The following PREX2 variants were observed in gnomAD, a reference collection of about 807,000 sequenced individuals.
PREX2 encodes phosphatidylinositol 3,4,5-trisphosphate-dependent Rac exchanger 2 protein.
PREX2 carries 107 observed loss-of-function variants against 203.2 expected under a neutral mutation model. The ratio of observed to expected loss-of-function variants is 0.53; its 90% CI spans 0.45 to 0.62. PREX2 has a LOEUF of 0.62. Ranked by LOEUF, PREX2 falls within the 20% of genes least tolerant of loss-of-function variation. PREX2 has a pLI of 0.00. For missense variants in PREX2, 1,777 were observed against 1,955.9 expected, an observed-to-expected ratio of 0.91 and a Z score of 1.72; for synonymous variants, 672 against 663.6, an observed-to-expected ratio of 1.01 and a Z score of -0.19.
intron 35 of PREX2, among the ~76,000 whole-genome samples, chr8:68,162,661 A>G (rs1048704807): frequency 4.6e-5 from 7 of 152,276 alleles, no homozygotes; most frequent in Admixed American, 2.6e-4. Context: ...AACAGAGGAG[A>G]GAGCTGTGAA....
intron 1 of PREX2, among the ~76,000 whole-genome samples, chr8:67,966,019 A>C (rs1167507215): frequency 6.6e-6 from 1 of 152,178 alleles, no homozygotes; most frequent in South Asian, 2.1e-4. Context: ...TTGTGATTTA[A>C]GATTTTTAAA....
At chr8:68,028,353 G>A (rs540808897) in intron 5 of PREX2, among the ~76,000 whole-genome samples, 5 of 151,510 alleles carry the variant, frequency 3.3e-5, no homozygotes, top group Admixed American at 6.6e-5. Flanking sequence ...ATTTGATTCC[G>A]ACTTATTTTA....
chr8:68,104,098 A>G (rs947252935), intron 23 of PREX2, among the ~76,000 whole-genome samples: 28 of 152,012 alleles, frequency 1.8e-4, no homozygotes, highest in Admixed American at 1.8e-3. Context: ...CTCAGCCTAA[A>G]ACCTCGAATA....
chr8:67,982,534 T>C (rs986643885), intron 1 of PREX2, among the ~76,000 whole-genome samples: 6 of 152,204 alleles, frequency 3.9e-5, no homozygotes, highest in African/African-American at 1.4e-4. Context: ...TGATCACTAA[T>C]AAAAGATACA....
chr8:68,070,602 G>C (rs762455408), intron 13 of PREX2, among the ~76,000 whole-genome samples: 16 of 152,112 alleles, frequency 1.1e-4, no homozygotes, highest in Admixed American at 2.6e-4. Flanking sequence ...GAAATGGTCA[G>C]ATATTATTTG....
At chr8:68,134,920 C>G (rs535537221) in intron 32 of PREX2, among the ~76,000 whole-genome samples, 1 of 152,072 alleles carries the variant, frequency 6.6e-6, no homozygotes, top group African/African-American at 2.4e-5. Context: ...TCACGTATAC[C>G]TCCTGTGGTT....
rs1225693174 is a variant in PREX2, at chr8:68,119,451, T to A, written c.3441T>A (p.Ser1147Arg). The stretch of plus-strand genomic sequence containing the variant: ...ATCTAGGTGATGAACTTCCCTTAAG[T>A]GTTCGCATATCTCATGATAAACAGG... ...EMDSGDELPLSVRISHDKQDK... is the reference protein window; with the variant it reads ...EMDSGDELPLRVRISHDKQDK... The change falls in exon 28 of 40, where the codon AGT becomes AGA. Residue 1147 changes from serine (S) to arginine (R), a missense_variant. Ser to Arg is a moderately radical substitution (Grantham distance 110). Transcript: ENST00000288368. 3.1e-6 allele frequency: 5 copies of A among 1,613,538 alleles called. No homozygotes were observed. The Admixed American group carries it at 8.3e-5, about 27-fold the overall frequency.
At chr8:68,098,517 G>T (rs183997636) in intron 22 of PREX2, among the ~76,000 whole-genome samples, 1 of 151,786 alleles carries the variant, frequency 6.6e-6, no homozygotes, top group Non-Finnish European at 1.5e-5. Context: ...GTCTCTTCCC[G>T]TCTACATTAT....
chr8:68,006,636 T>G (rs1807106698), intron 1 of PREX2, among the ~76,000 whole-genome samples: 2 of 152,124 alleles, frequency 1.3e-5, no homozygotes, highest in African/African-American at 4.8e-5. Flanking sequence ...TTGGACCTAG[T>G]TCAGATTTCA....
intron 7 of PREX2, among the ~76,000 whole-genome samples, chr8:68,042,973 T>G (rs770648936): frequency 1.9e-4 from 29 of 152,270 alleles, no homozygotes; most frequent in Non-Finnish European, 3.4e-4. Flanking sequence ...TGACTAAAAC[T>G]GTTAAGGATA....
intron 28 of PREX2, 139 bp downstream of exon 28, chr8:68,119,653 A>G: frequency 6.2e-6 from 4 of 642,974 alleles, no homozygotes; most frequent in Non-Finnish European, 1.1e-5. Context: ...TCAATTTCTG[A>G]CATTTAAACT....
intron 37 of PREX2, among the ~76,000 whole-genome samples, chr8:68,193,787 A>G (rs1459542500): frequency 1.3e-5 from 2 of 152,144 alleles, no homozygotes; most frequent in Non-Finnish European, 2.9e-5. Flanking sequence ...TTCATGGATC[A>G]GGTTATAGAG....
At chr8:68,153,600 T>C (rs941178227) in intron 34 of PREX2, among the ~76,000 whole-genome samples, 4 of 152,190 alleles carry the variant, frequency 2.6e-5, no homozygotes, top group East Asian at 1.9e-4. Context: ...ATTTAACATG[T>C]TTGAAATTAA....
At chr8:67,975,546 A>C (rs1416929230) in intron 1 of PREX2, among the ~76,000 whole-genome samples, 1 of 151,940 alleles carries the variant, frequency 6.6e-6, no homozygotes, top group Non-Finnish European at 1.5e-5. Context: ...TTGAACAAAG[A>C]AGAAAACGAG....
intron 1 of PREX2, among the ~76,000 whole-genome samples, chr8:67,972,680 A>T (rs1259377753): frequency 8.6e-5 from 13 of 151,862 alleles, no homozygotes. Context: ...CCCTGATGAA[A>T]CTCTACAGTT....
At chr8:68,029,598 G>C (rs988852895) in intron 5 of PREX2, among the ~76,000 whole-genome samples, 25 of 152,230 alleles carry the variant, frequency 1.6e-4, no homozygotes, top group African/African-American at 5.8e-4. Context: ...TGTTTGTTGA[G>C]AATTTAGAAA....
At chr8:67,960,405 A>G (rs184260459) in intron 1 of PREX2, among the ~76,000 whole-genome samples, 9 of 152,042 alleles carry the variant, frequency 5.9e-5, no homozygotes, top group South Asian at 4.2e-4. Context: ...TGTCTTGTCT[A>G]TCCACAGACT....
chr8:68,013,016 AT>A (rs1389808861), intron 1 of PREX2, among the ~76,000 whole-genome samples: 3 of 152,236 alleles, frequency 2.0e-5, no homozygotes, highest in Non-Finnish European at 4.4e-5. Context: ...AGGGAAATTA[AT>A]GCAGTGCAGT....
At chr8:68,063,690 T>C (rs977013140) in intron 11 of PREX2, among the ~76,000 whole-genome samples, 1 of 152,210 alleles carries the variant, frequency 6.6e-6, no homozygotes, top group Non-Finnish European at 1.5e-5. Flanking sequence ...AGCGTATTTC[T>C]GCCTTTCTAG....
Sources: allele counts gnomAD v4.1 joint callset (sites outside exome capture counted in the v4.1 genomes callset), GRCh38; gene constraint gnomAD v4.1.1; transcripts MANE v1.5; gene names NCBI Gene and HGNC (gene_info 2026-07-23, HGNC 2026-07-21).